The following TPM4 variants were observed in gnomAD, a reference collection of about 807,000 sequenced individuals.
The protein encoded by TPM4 is tropomyosin 4, also known as tropomyosin alpha-4 chain.
TPM4 carries 17 observed loss-of-function variants against 35.8 expected under a neutral mutation model. That is an observed-to-expected ratio of 0.47 (90% CI 0.32 to 0.71). The LOEUF (loss-of-function observed/expected upper bound fraction) is 0.71, where lower values mean the gene tolerates loss of function less well. TPM4 is among the 30% of genes least tolerant of loss of function. The probability of loss-of-function intolerance (pLI) is 0.03; values close to 1 mark genes in which losing one functional copy is unlikely to be tolerated. For missense variants in TPM4, 240 were observed against 320.9 expected, an observed-to-expected ratio of 0.75 and a Z score of 1.93; for synonymous variants, 120 against 122.9, an observed-to-expected ratio of 0.98 and a Z score of 0.15.
At chr19:16,087,942 G>A in intron 3 of TPM4, 85 bp from the exon 4 acceptor site, 1 of 1,409,446 alleles carries the variant, frequency 7.1e-7, no homozygotes, top group Non-Finnish European at 9.8e-7. Context: ...GTCTGGGTGG[G>A]GCATCATTGG....
upstream of TPM4, among the ~76,000 whole-genome samples, chr19:16,073,691 C>G (rs935149486): frequency 1.3e-5 from 2 of 152,054 alleles, no homozygotes; most frequent in African/African-American, 4.8e-5. Flanking sequence ...TCCCTGCTCT[C>G]TGTCACATCT....
chr19:16,101,269 C>G lies in TPM4; in HGVS notation c.670C>G (p.Leu224Val). ...EKTIDDLEEK[L>V]AQAKEENVGL... ...ATACTCTTAATCCTCACCAGAGAAA[C>G]TTGCCCAGGCCAAAGAAGAGAACGT... Residue 224 changes from leucine (L) to valine (V), a missense_variant, in exon 8 of 8, where the codon CTT becomes GTT. Physicochemically the swap from Leu to Val is conservative, Grantham distance 32. Coordinates refer to ENST00000643579, the MANE Select transcript of TPM4 (RefSeq NM_003290.3). 1 of 1,603,080 alleles carries G rather than the reference C, an allele frequency of 6.2e-7. No homozygotes were observed. The highest frequency in any genetic ancestry group is 8.5e-7 in the Non-Finnish European group (1 of 1,175,922).
rs559449386 is a variant in TPM4, at chr19:16,086,013, G to C, written c.267-410G>C. On this transcript the variant is annotated intron_variant, in intron 2 of 7. Coordinates refer to ENST00000643579, the MANE Select transcript of TPM4 (RefSeq NM_003290.3). ...GAACCCAGGAGATGGAGGCTGCAGT[G>C]AGCTGAGATCACACTACTGCACTCC... is the stretch of plus-strand genomic sequence containing the variant. 2.7e-3 allele frequency among the ~76,000 whole-genome samples: 393 copies of C among 147,864 alleles called. 2 individuals carry two copies. Among genetic ancestry groups the C allele is most frequent in the African/African-American group, 9.2e-3 (368 of 39,912 alleles).
At chr19:16,095,617 C>T (rs1293170931) in intron 7 of TPM4, 2 of 1,005,724 alleles carry the variant, frequency 2.0e-6, no homozygotes, top group Non-Finnish European at 2.4e-6. Flanking sequence ...CTCTCACTCA[C>T]AAATGAAAAG....
At chr19:16,099,889 G>A (rs1008267274) in intron 7 of TPM4, 1 of 152,042 alleles carries the variant, frequency 6.6e-6, no homozygotes, top group South Asian at 2.1e-4. Context: ...TTTACCTGGG[G>A]TTTGTCTCCG....
At chr19:16,069,456 G>A (rs1206837568) in intron 2 of TPM4, among the ~76,000 whole-genome samples, 4 of 8,490 alleles carry the variant, frequency 4.7e-4, no homozygotes, top group African/African-American at 7.4e-4. Flanking sequence ...TGTTTCTATT[G>A]GTGTGTGAAT....
rs992784387 is a variant in TPM4 at position 16,080,046 on chromosome 19, T to C, written c.133-1867T>C. The C allele has an allele frequency of 7.5e-5, 14 of 185,566 alleles. 1 individual carries two copies. Among genetic ancestry groups the C allele is most frequent in the African/African-American group, 3.3e-4 (14 of 42,568 alleles). The allele number at this position is 185,566 out of a possible 1,614,324, so 11.5% of individuals were successfully genotyped here. Reference sequence around the variant, plus strand: ...CCTTCCCCAGTTCAGGGATTCTTCATTTGTTCTGATAGGAAAAAGCTAGCG... The same window carrying C: ...CCTTCCCCAGTTCAGGGATTCTTCACTTGTTCTGATAGGAAAAAGCTAGCG... On this transcript the variant is annotated intron_variant, in intron 1 of 7. Coordinates refer to ENST00000643579, the MANE Select transcript of TPM4 (RefSeq NM_003290.3).
chr19:16,072,102 G>A (rs549388650), upstream of TPM4, among the ~76,000 whole-genome samples: 2 of 152,354 alleles, frequency 1.3e-5, no homozygotes, highest in African/African-American at 4.8e-5. Context: ...TTACAGGCGT[G>A]AGCCACTGCG....
chr19:16,076,136 G>A, upstream of TPM4: 1 of 1,574,332 alleles, frequency 6.4e-7, no homozygotes, highest in Non-Finnish European at 8.6e-7. Context: ...AGGACGCGCA[G>A]GAGAAGCTGG....
chr19:16,071,236 C>A (rs2090354483), intron 2 of TPM4, among the ~76,000 whole-genome samples: 1 of 152,144 alleles, frequency 6.6e-6, no homozygotes, highest in Non-Finnish European at 1.5e-5. Context: ...CACTCTGTTG[C>A]CCAGGCTGGA....
intron 2 of TPM4, among the ~76,000 whole-genome samples, chr19:16,069,576 G>GTGTGAC (rs1340823456): frequency 3.6e-5 from 2 of 55,222 alleles, no homozygotes; most frequent in Non-Finnish European, 7.8e-5. Flanking sequence ...TGGTGTGTGT[G>GTGTGAC]TTTCTATTGG....
upstream of TPM4, among the ~76,000 whole-genome samples, chr19:16,072,020 C>T (rs2090360877): frequency 6.6e-6 from 1 of 152,214 alleles, no homozygotes; most frequent in Non-Finnish European, 1.5e-5. Flanking sequence ...CGGGGTTTCA[C>T]CATGTTGGTC....
chr19:16,086,277 G>T, intron 2 of TPM4, 146 bp from the exon 3 acceptor site: 1 of 640,558 alleles, frequency 1.6e-6, no homozygotes, highest in African/African-American at 1.8e-5. Flanking sequence ...TTGAACCCGG[G>T]AGGTGGAGGT....
chr19:16,090,995 T>C (rs1482008851), intron 5 of TPM4, among the ~76,000 whole-genome samples: 1 of 151,992 alleles, frequency 6.6e-6, no homozygotes, highest in Non-Finnish European at 1.5e-5. Flanking sequence ...GGTGTGTGTA[T>C]GCCAGACACT....
chr19:16,076,797 G>C (rs991435711), intron 1 of TPM4, 100 bp downstream of exon 1: 4 of 1,268,960 alleles, frequency 3.2e-6, no homozygotes, highest in African/African-American at 3.1e-5. Flanking sequence ...CGCAGTCCTC[G>C]GGCCGCCTTT....
At position 16,093,541 on chromosome 19, in the gene TPM4, T is replaced by C. The variant is rs1235779902; in HGVS notation, c.537T>C (p.Ser179=). The change falls in exon 6 of 8, where the codon TCT becomes TCC. Residue 179 remains serine (S), a synonymous_variant. Coordinates refer to ENST00000643579, the MANE Select transcript of TPM4 (RefSeq NM_003290.3). The part of the protein sequence containing the change: ...KSLEAASEKY[S]EKEDKYEEEI... ...TGTTTTGGTTTCTCCCACAGTATTC[T>C]GAAAAGGAGGACAAATATGAAGAAG... The C allele has an allele frequency of 6.2e-7, 1 of 1,614,014 alleles. No homozygotes were observed.
At chr19:16,073,608 G>T (rs2090375269), upstream of TPM4, among the ~76,000 whole-genome samples, 1 of 152,088 alleles carries the variant, frequency 6.6e-6, no homozygotes, top group Admixed American at 6.6e-5. Context: ...CTGATCAGCT[G>T]GCCACCCTGG....
chr19:16,082,883 T>C (rs2090500773), intron 2 of TPM4, among the ~76,000 whole-genome samples: 1 of 149,560 alleles, frequency 6.7e-6, no homozygotes, highest in Non-Finnish European at 1.5e-5. Context: ...TCCTGGCTAC[T>C]CAAGAGGCTG....
intron 2 of TPM4, among the ~76,000 whole-genome samples, chr19:16,068,428 T>C (rs992274620): frequency 6.6e-6 from 1 of 152,248 alleles, no homozygotes; most frequent in South Asian, 2.1e-4. Context: ...CGCCCGCGTC[T>C]GCCTCCCAAA....
Sources: allele counts gnomAD v4.1 joint callset (sites outside exome capture counted in the v4.1 genomes callset), GRCh38; gene constraint gnomAD v4.1.1; transcripts MANE v1.5; gene names NCBI Gene and HGNC (gene_info 2026-07-23, HGNC 2026-07-21).